TBL1X: variants seen among roughly 807,000 people sequenced by gnomAD.
TBL1X encodes the protein F-box-like/WD repeat-containing protein TBL1X.
In TBL1X, 10 loss-of-function variants were observed where a neutral mutation model predicts 50.7. The observed-to-expected ratio is 0.20, with a 90% confidence interval of 0.12 to 0.33. The LOEUF is 0.33. Among genes scored for constraint, TBL1X ranks in the 10% least tolerant of loss-of-function variants. TBL1X has a pLI of 1.00. For missense variants in TBL1X, 340 were observed against 504.4 expected, an observed-to-expected ratio of 0.67 and a Z score of 3.12; for synonymous variants, 190 against 214.7, an observed-to-expected ratio of 0.88 and a Z score of 1.01.
intron 11 of TBL1X, among the ~76,000 whole-genome samples, chrX:9,695,421 A>T (rs905839771): frequency 6.2e-5 from 7 of 112,707 alleles, no homozygotes; most frequent in Non-Finnish European, 1.3e-4. Context: ...TGACACATAA[A>T]CGTTCTCATG....
At chrX:9,680,105 C>T (rs1228651147) in intron 5 of TBL1X, among the ~76,000 whole-genome samples, 1 of 111,210 alleles carries the variant, frequency 9.0e-6, no homozygotes, top group Non-Finnish European at 1.9e-5. Flanking sequence ...TTGCTTGAGC[C>T]TCTTTTATAG....
chrX:9,493,332 G>A (rs187253277), intron 1 of TBL1X, among the ~76,000 whole-genome samples: 2 of 111,616 alleles, frequency 1.8e-5, no homozygotes, highest in Non-Finnish European at 3.8e-5. Flanking sequence ...CTGTTCTCTC[G>A]GCCCACTTGT....
chrX:9,606,806 G>A (rs747086341), intron 2 of TBL1X, among the ~76,000 whole-genome samples: 5 of 112,380 alleles, frequency 4.4e-5, no homozygotes, highest in South Asian at 3.7e-4. Context: ...ATGGACGAGC[G>A]TCCTCAGCTC....
At chrX:9,644,659 CT>C (rs759109242) in intron 3 of TBL1X, 54 of 104,131 alleles carry the variant, frequency 5.2e-4, no homozygotes, top group Admixed American at 9.2e-4. Flanking sequence ...CTTTTCTTTT[CT>C]TTTTTTTTTT....
Position 9,499,213 on chromosome X carries a change from C to T in TBL1X, c.-200-2567C>T, listed in dbSNP as rs145960202. Among the ~76,000 whole-genome samples, 453 of 111,795 alleles carry T rather than the reference C, an allele frequency of 4.1e-3. 4 individuals carry two copies. Among genetic ancestry groups the T allele is most frequent in the African/African-American group, 0.014 (427 of 30,746 alleles). On this transcript the variant is annotated intron_variant, in intron 1 of 17. Transcript: ENST00000645353. Reference sequence around the variant, plus strand: ...ATTGTCTGTGGCTAGACTATGCCAACGTGATCAGTGTCCTTCCCAGAACCC... The same window carrying T: ...ATTGTCTGTGGCTAGACTATGCCAATGTGATCAGTGTCCTTCCCAGAACCC...
chrX:9,709,756 G>A lies in TBL1X; in HGVS notation c.1435G>A (p.Ala479Thr). The change falls in exon 15 of 18, where the codon GCA (alanine) becomes ACA (threonine). Residue 479 changes from alanine (A) to threonine (T), a missense_variant. Transcript: ENST00000645353. Reference protein sequence around the residue: ...TSNPNSNIMLASASFDSTVRL... With the variant: ...TSNPNSNIMLTSASFDSTVRL... ...CAACCCAAACTCCAACATCATGTTGGCAAGGTAAGGGCAGGCAACACAGCT... is the reference window on the plus strand; with the variant it reads ...CAACCCAAACTCCAACATCATGTTGACAAGGTAAGGGCAGGCAACACAGCT... 1 of 1,208,754 alleles carries A rather than the reference G, an allele frequency of 8.3e-7. No individual in the cohort carries two copies. The highest frequency in any genetic ancestry group is 3.0e-5 in the East Asian group (1 of 33,780).
chrX:9,702,607 GAAAA>G (rs59896272), intron 12 of TBL1X, among the ~76,000 whole-genome samples: 3 of 70,073 alleles, frequency 4.3e-5, no homozygotes, highest in Non-Finnish European at 8.7e-5. Context: ...TCATCTCCAA[GAAAA>G]AAAAAAAAAA....
intron 2 of TBL1X, among the ~76,000 whole-genome samples, chrX:9,605,953 C>T (rs2082580759): frequency 8.9e-6 from 1 of 112,166 alleles, no homozygotes; most frequent in South Asian, 3.7e-4. Context: ...AACAAATGAC[C>T]CCAAAACTCA....
intron 1 of TBL1X, among the ~76,000 whole-genome samples, chrX:9,470,281 CTTTTA>C (rs1305193862): frequency 8.9e-6 from 1 of 112,449 alleles, no homozygotes; most frequent in African/African-American, 3.2e-5. Flanking sequence ...GCTCTTTTTT[CTTTTA>C]TTTTGAGACG....
In TBL1X at chrX:9,678,005, T is replaced by C. The variant is rs773950698; in HGVS notation, c.212-6038T>C. Among the ~76,000 whole-genome samples, 256 of 111,733 alleles carry C rather than the reference T, an allele frequency of 2.3e-3. 2 individuals are homozygous for C. The highest frequency in any genetic ancestry group is 7.9e-3 in the African/African-American group (243 of 30,746). ...AAATGGTACCAAATTCTTATGTCAT[T>C]GCATCCAATATGGTCCTTCCTTCTT... On this transcript the variant is annotated intron_variant, in intron 5 of 17. Transcript: ENST00000645353.
intron 2 of TBL1X, among the ~76,000 whole-genome samples, chrX:9,567,285 T>C (rs993246258): frequency 9.9e-5 from 11 of 111,468 alleles, no homozygotes; most frequent in African/African-American, 3.6e-4. Context: ...GGCTGGTGCA[T>C]TGGCGTGTCT....
intron 2 of TBL1X, among the ~76,000 whole-genome samples, chrX:9,502,941 A>G (rs1481558381): frequency 8.9e-6 from 1 of 112,630 alleles, no homozygotes; most frequent in Non-Finnish European, 1.9e-5. Flanking sequence ...GGTCATCACC[A>G]TGTAGGCTGA....
intron 2 of TBL1X, among the ~76,000 whole-genome samples, chrX:9,565,114 CAA>C (rs1258758887): frequency 9.4e-6 from 1 of 106,220 alleles, no homozygotes; most frequent in East Asian, 3.0e-4. Flanking sequence ...ACTAAAAATA[CAA>C]AAAAAATTAG....
chrX:9,558,312 G>C (rs936390158), intron 2 of TBL1X, among the ~76,000 whole-genome samples: 1 of 111,895 alleles, frequency 8.9e-6, no homozygotes, highest in Non-Finnish European at 1.9e-5. Flanking sequence ...AAGGTCAGGA[G>C]TTAGAGACTA....
chrX:9,559,605 G>A (rs1326686593), intron 2 of TBL1X, among the ~76,000 whole-genome samples: 1 of 111,749 alleles, frequency 8.9e-6, no homozygotes, highest in East Asian at 2.8e-4. Flanking sequence ...AATGATTAAT[G>A]GAGCTCCTGC....
intron 2 of TBL1X, among the ~76,000 whole-genome samples, chrX:9,621,907 A>T (rs1284749251): frequency 8.9e-6 from 1 of 111,962 alleles, no homozygotes; most frequent in Non-Finnish European, 1.9e-5. Flanking sequence ...TTTCTAGGAA[A>T]GGCCACAACT....
intron 1 of TBL1X, among the ~76,000 whole-genome samples, chrX:9,496,255 A>G (rs1324709814): frequency 8.9e-6 from 1 of 112,030 alleles, no homozygotes; most frequent in Admixed American, 9.4e-5. Context: ...GCTCCACACC[A>G]CAATGCATAA....
intron 1 of TBL1X, among the ~76,000 whole-genome samples, chrX:9,477,265 G>T (rs764586343): frequency 8.9e-6 from 1 of 112,166 alleles, no homozygotes; most frequent in Non-Finnish European, 1.9e-5. Flanking sequence ...AGAAGTTTGG[G>T]CTGGATTCGT....
intron 5 of TBL1X, among the ~76,000 whole-genome samples, chrX:9,661,015 G>T (rs1012161890): frequency 8.9e-6 from 1 of 111,768 alleles, no homozygotes; most frequent in Non-Finnish European, 1.9e-5. Context: ...CGGGAAGCGG[G>T]TTCTCACCAG....
Sources: allele counts gnomAD v4.1 joint callset (sites outside exome capture counted in the v4.1 genomes callset), GRCh38; gene constraint gnomAD v4.1.1; transcripts MANE v1.5; gene names NCBI Gene and HGNC (gene_info 2026-07-23, HGNC 2026-07-21).